The following ZNF200 variants were observed in gnomAD, a reference collection of about 807,000 sequenced individuals.
The protein encoded by ZNF200 is zinc finger protein 200.
A neutral mutation model predicts 33.6 loss-of-function variants in ZNF200; 35 were observed. The observed-to-expected ratio is 1.04, with a 90% CI of 0.80 to 1.38. The LOEUF is 1.38. Ranked by LOEUF, ZNF200 falls within the 40% of genes most tolerant of loss-of-function variation. ZNF200 has a pLI of 0.00. For missense variants in ZNF200, 592 were observed against 470.6 expected (o/e 1.26, Z -2.39); for synonymous variants, 209 against 167.7 (o/e 1.25, Z -1.90).
In ZNF200 at chr16:3,229,355, T is replaced by G. The variant is rs1451104721; in HGVS notation, c.466+3066A>C. Reference sequence around the variant, plus strand: ...AATAATAAAGCCTCTGATTCAAAGTTAGAAAAACAATAGGATAAATTTAAA... The same window carrying G: ...AATAATAAAGCCTCTGATTCAAAGTGAGAAAAACAATAGGATAAATTTAAA... On this transcript the variant is annotated intron_variant, in intron 4 of 4. Coordinates refer to ENST00000414144, the MANE Select transcript of ZNF200 (RefSeq NM_198088.3). Among the ~76,000 whole-genome samples the G allele has an allele frequency of 4.6e-5, 7 of 152,026 alleles. No individual in the cohort carries two copies. In the South Asian group the frequency reaches 6.2e-4, roughly 14 times the overall value.
At chr16:3,232,708 G>C in intron 3 of ZNF200, 125 bp downstream of exon 3, 1 of 1,414,154 alleles carries the variant, frequency 7.1e-7, no homozygotes, top group Non-Finnish European at 9.7e-7. Flanking sequence ...GCTGAGAAGG[G>C]CTCAAGGAAA....
intron 4 of ZNF200, among the ~76,000 whole-genome samples, chr16:3,229,790 C>T (rs531251831): frequency 6.6e-6 from 1 of 151,884 alleles, no homozygotes. Flanking sequence ...GCATGAACCG[C>T]AGGGGGCGGA....
intron 4 of ZNF200, among the ~76,000 whole-genome samples, chr16:3,229,690 C>G (rs999989722): frequency 7.2e-5 from 11 of 151,966 alleles, no homozygotes; most frequent in African/African-American, 1.9e-4. Flanking sequence ...ATGGTGAAAC[C>G]CTGTCTCTAC....
chr16:3,228,157 C>G (rs1283198484), intron 4 of ZNF200, among the ~76,000 whole-genome samples: 3 of 151,940 alleles, frequency 2.0e-5, no homozygotes, highest in African/African-American at 4.8e-5. Flanking sequence ...TTTCATGTTT[C>G]TATTCTAATG....
intron 4 of ZNF200, chr16:3,226,799 A>G (rs1958485701): frequency 1.3e-5 from 2 of 152,252 alleles, no homozygotes; most frequent in Admixed American, 6.5e-5. Flanking sequence ...AACAAAGGAT[A>G]AGATGGGTAG....
intron 4 of ZNF200, chr16:3,225,327 C>G (rs1958438975): frequency 6.6e-6 from 1 of 152,258 alleles, no homozygotes; most frequent in Non-Finnish European, 1.5e-5. Flanking sequence ...TGCCTGTAAT[C>G]TCAGCTACTA....
At chr16:3,234,806 C>T (rs1181504466) in intron 1 of ZNF200, 181 bp downstream of exon 1, 1 of 152,292 alleles carries the variant, frequency 6.6e-6, no homozygotes, top group African/African-American at 2.4e-5. Context: ...GACCGCCGGG[C>T]CAGGCTCACT....
At position 3,223,929 on chromosome 16, in the gene ZNF200, T is replaced by C. The variant is rs200894125; in HGVS notation, c.1151A>G (p.Lys384Arg). 156 of 1,613,818 alleles carry C rather than the reference T, an allele frequency of 9.7e-5. 1 individual carries two copies. Among genetic ancestry groups the C allele is most frequent in the South Asian group, 6.4e-4 (58 of 91,040 alleles). ...TCGGGTCTTACAGGCTGAGTGGGTTTTCTCATGCCGGGTACAGTTTGACAG... is the reference window on the plus strand; with the variant it reads ...TCGGGTCTTACAGGCTGAGTGGGTTCTCTCATGCCGGGTACAGTTTGACAG... ...GRLSNCTRHE[K>R]THSACKTRKQ... Residue 384 changes from lysine (K) to arginine (R), a missense_variant, in exon 5 of 5, where the codon AAA becomes AGA. Physicochemically the swap from Lys to Arg is conservative, Grantham distance 26 (BLOSUM62 2). Coordinates refer to ENST00000414144, the MANE Select transcript of ZNF200 (RefSeq NM_198088.3).
At chr16:3,233,471 C>T (rs749743709) in intron 2 of ZNF200, 35 bp downstream of exon 2, 1 of 1,501,768 alleles carries the variant, frequency 6.7e-7, no homozygotes, top group South Asian at 1.4e-5. Context: ...GTACCTCCTC[C>T]TCCTCTTCTA....
chr16:3,228,289 T>C (rs1048356993), intron 4 of ZNF200, among the ~76,000 whole-genome samples: 2 of 152,172 alleles, frequency 1.3e-5, no homozygotes, highest in Admixed American at 6.5e-5. Flanking sequence ...ATGAGAGTAC[T>C]TAAGACAAAT....
chr16:3,230,914 T>C (rs1385201897), intron 4 of ZNF200, among the ~76,000 whole-genome samples: 2 of 152,224 alleles, frequency 1.3e-5, no homozygotes, highest in East Asian at 1.9e-4. Context: ...ATTATACCTA[T>C]AAAAATTTCA....
Position 3,235,120 on chromosome 16 carries a change from G to T in ZNF200, c.-215C>A, listed in dbSNP as rs544504816. On this transcript the variant is annotated 5_prime_UTR_variant, in exon 1 of 5. Transcript: ENST00000414144. ...CTTCCGAGTGCCCTCACAGGTCGCC[G>T]GCGACTATTCGTTCGCGCCGCCGCC... 1 of 152,196 alleles carries T rather than the reference G, an allele frequency of 6.6e-6. No homozygotes were observed. Among genetic ancestry groups the T allele is most frequent in the South Asian group, 2.1e-4 (1 of 4,826 alleles). The allele number at this position is 152,196 out of a possible 1,614,324, so 9.4% of individuals were successfully genotyped here. A position where few individuals can be genotyped will look rare whatever the true frequency, so the allele number is the denominator to read the frequency against.
At chr16:3,227,893 G>A (rs992236708) in intron 4 of ZNF200, 1 of 152,056 alleles carries the variant, frequency 6.6e-6, no homozygotes, top group Non-Finnish European at 1.5e-5. Context: ...GTGTATTTGA[G>A]GCTATTTCGG....
In ZNF200 at chr16:3,223,394, G is replaced by A. The variant is rs1958380373; in HGVS notation, c.*498C>T. ...CCTTTCAACACTCAAGACTTAAACA[G>A]GTATTCTTAGAGGGTTATATGAATT... On this transcript the variant is annotated 3_prime_UTR_variant, in exon 5 of 5. Transcript: ENST00000414144. 1 of 152,958 alleles carries A rather than the reference G, an allele frequency of 6.5e-6. No individual in the cohort carries two copies. The highest frequency in any genetic ancestry group is 2.1e-4 in the South Asian group (1 of 4,850). The allele number at this position is 152,958 out of a possible 1,614,324, so 9.5% of individuals were successfully genotyped here. A position where few individuals can be genotyped will look rare whatever the true frequency, so the allele number is the denominator to read the frequency against.
chr16:3,223,315 T>C lies in ZNF200; in HGVS notation c.*577A>G, dbSNP rs1958378595. The C allele has an allele frequency of 6.6e-6, 1 of 152,318 alleles. No individual in the cohort carries two copies. The highest frequency in any genetic ancestry group is 2.1e-4 in the South Asian group (1 of 4,836). 9.4% of individuals were successfully genotyped at this position (152,318 alleles called of 1,614,324 possible). On this transcript the variant is annotated 3_prime_UTR_variant, in exon 5 of 5. Coordinates refer to ENST00000414144, the MANE Select transcript of ZNF200 (RefSeq NM_198088.3). ...AAATTGATTGCAAATTTAGATCACA[T>C]ACAAATGAGAGTCTGACATTCAACT...
intron 4 of ZNF200, among the ~76,000 whole-genome samples, chr16:3,228,263 G>A (rs878936367): frequency 6.6e-6 from 1 of 151,812 alleles, no homozygotes. Flanking sequence ...CTTAGTGAAT[G>A]GTCTCATTTT....
At chr16:3,230,979 A>C (rs1330368916) in intron 4 of ZNF200, among the ~76,000 whole-genome samples, 1 of 152,254 alleles carries the variant, frequency 6.6e-6, no homozygotes, top group Non-Finnish European at 1.5e-5. Context: ...GGAAGATTAC[A>C]AAAGGCAAGA....
Position 3,224,195 on chromosome 16 carries a change from G to A in ZNF200, c.885C>T (p.Leu295=). 5 of 1,614,164 alleles carry A rather than the reference G, an allele frequency of 3.1e-6. No individual in the cohort carries two copies. Among genetic ancestry groups the A allele is most frequent in the Non-Finnish European group, 1.7e-6 (2 of 1,180,036 alleles). The part of the protein sequence containing the change: ...CGKSFNHKTN[L]NKHERIHTGE... ...CTGTATGAATTCGCTCATGTTTATT[G>A]AGGTTTGTTTTATGATTGAAGCTTT... is the stretch of plus-strand genomic sequence containing the variant. The change falls in exon 5 of 5, where the codon CTC becomes CTT. Residue 295 remains leucine (L), a synonymous_variant. Transcript: ENST00000414144.
In ZNF200 at chr16:3,223,758, G is replaced by A. The variant is rs1484253202; in HGVS notation, c.*134C>T. The A allele has an allele frequency of 5.3e-6, 7 of 1,331,022 alleles. No homozygotes were observed. The East Asian group carries it at 7.1e-5, about 14-fold the overall frequency. The allele number at this position is 1,331,022 out of a possible 1,614,324, so 82.5% of individuals were successfully genotyped here. A position where few individuals can be genotyped will look rare whatever the true frequency, so the allele number is the denominator to read the frequency against. ...GCAATTTGAGGTTTTAGCTAAGATG[G>A]GCATTTATCCAATTTTGGCAATAAT... On this transcript the variant is annotated 3_prime_UTR_variant, in exon 5 of 5. Coordinates refer to ENST00000414144, the MANE Select transcript of ZNF200 (RefSeq NM_198088.3).
Sources: allele counts gnomAD v4.1 joint callset (sites outside exome capture counted in the v4.1 genomes callset), GRCh38; gene constraint gnomAD v4.1.1; transcripts MANE v1.5; gene names NCBI Gene and HGNC (gene_info 2026-07-23, HGNC 2026-07-21).